Variants in SVIL observed in about 807,000 individuals in gnomAD.
SVIL encodes archvillin.
SVIL carries 101 observed loss-of-function variants against 240.4 expected under a neutral mutation model. That is an observed-to-expected ratio of 0.42 (90% confidence interval 0.36 to 0.50). The LOEUF is 0.50. Ranked by LOEUF, SVIL falls within the 20% of genes least tolerant of loss-of-function variation. SVIL has a pLI of 0.01. For missense variants in SVIL, 2,512 were observed against 2,818.7 expected (o/e 0.89, Z 2.46); for synonymous variants, 999 against 1,100.0 (o/e 0.91, Z 1.82).
At chr10:29,621,313 G>A (rs755191375) in intron 1 of SVIL, among the ~76,000 whole-genome samples, 17 of 152,232 alleles carry the variant, frequency 1.1e-4, no homozygotes, top group Non-Finnish European at 2.2e-4. Flanking sequence ...AGGCAGGAAC[G>A]CTTAATCCCA....
At chr10:29,525,968 T>C (rs72802785) in intron 13 of SVIL, among the ~76,000 whole-genome samples, 12,390 of 152,156 alleles carry the variant, frequency 0.081, 714 homozygotes, top group Non-Finnish European at 0.12. Context: ...CTGCTGTGGG[T>C]GTACCAGCTT....
At chr10:29,655,215 C>G (rs149584290) in intron 3 of SVIL, among the ~76,000 whole-genome samples, 51 of 152,284 alleles carry the variant, frequency 3.3e-4, no homozygotes, top group African/African-American at 1.1e-3. Flanking sequence ...AGGCTGTCTG[C>G]AAGCTGGGGA....
At chr10:29,536,144 A>G in intron 6 of SVIL, 75 bp from the exon 7 acceptor site, 1 of 1,405,952 alleles carries the variant, frequency 7.1e-7, no homozygotes, top group Non-Finnish European at 1.0e-6. Context: ...ACCATAACTT[A>G]AAACCTAAAG....
intron 6 of SVIL, among the ~76,000 whole-genome samples, chr10:29,547,032 AT>A (rs1474360738): frequency 6.6e-6 from 1 of 152,198 alleles, no homozygotes; most frequent in Non-Finnish European, 1.5e-5. Flanking sequence ...TATTATTTTC[AT>A]ATACAGTTAT....
At position 29,494,831 on chromosome 10, in the gene SVIL, T is replaced by C. The variant is rs6481599; in HGVS notation, c.3841+83A>G. ...TCTAATCAGTCTTGACCAAAACTTC[T>C]TTTTTTTGGCTGAGGAAGAAAAGCA... On this transcript the variant is annotated intron_variant, in intron 20 of 37. Coordinates refer to ENST00000355867, the MANE Select transcript of SVIL (RefSeq NM_021738.3). 11,371 of 1,335,266 alleles carry C rather than the reference T, an allele frequency of 8.5e-3. 767 individuals carry two copies. The African/African-American group carries it at 0.15, about 17-fold the overall frequency. The allele number at this position is 1,335,266 out of a possible 1,614,324, so 82.7% of individuals were successfully genotyped here.
At chr10:29,473,800 C>T (rs1375369425) in intron 30 of SVIL, 38 bp downstream of exon 30, 3 of 1,612,822 alleles carry the variant, frequency 1.9e-6, no homozygotes, top group Non-Finnish European at 2.5e-6. Context: ...GAGGATGCTC[C>T]TCTCAGTCCC....
chr10:29,458,698 A>C, intron 36 of SVIL, 109 bp from the exon 37 acceptor site: 1 of 1,216,940 alleles, frequency 8.2e-7, no homozygotes, highest in Non-Finnish European at 1.1e-6. Flanking sequence ...CTGCCTGAGG[A>C]TGCATAGTTC....
intron 1 of SVIL, among the ~76,000 whole-genome samples, chr10:29,611,198 T>C (rs961594460): frequency 6.6e-6 from 1 of 152,158 alleles, no homozygotes; most frequent in Non-Finnish European, 1.5e-5. Flanking sequence ...GCCTTGCCTA[T>C]ATCCCTGTGA....
At chr10:29,618,131 C>T (rs375982616) in intron 1 of SVIL, among the ~76,000 whole-genome samples, 5 of 152,152 alleles carry the variant, frequency 3.3e-5, no homozygotes, top group South Asian at 4.1e-4. Flanking sequence ...CCTGGGGAGG[C>T]GGGCTAATCC....
chr10:29,589,806 A>C (rs550350204), intron 1 of SVIL, among the ~76,000 whole-genome samples: 1 of 152,290 alleles, frequency 6.6e-6, no homozygotes, highest in Admixed American at 6.5e-5. Flanking sequence ...ATAGTAATAA[A>C]AGAATACATT....
chr10:29,726,315 C>T (rs1337020483), intron 1 of SVIL, among the ~76,000 whole-genome samples: 2 of 152,048 alleles, frequency 1.3e-5, no homozygotes, highest in South Asian at 2.1e-4. Flanking sequence ...AAAAGTAAAC[C>T]TAGGAAGCTA....
chr10:29,652,244 C>A (rs1177403276), intron 3 of SVIL, among the ~76,000 whole-genome samples: 1 of 152,178 alleles, frequency 6.6e-6, no homozygotes, highest in Non-Finnish European at 1.5e-5. Flanking sequence ...AACCATTAAT[C>A]TACTTTGTGT....
chr10:29,547,212 A>G (rs1952774839), intron 6 of SVIL, among the ~76,000 whole-genome samples: 2 of 152,184 alleles, frequency 1.3e-5, no homozygotes. Flanking sequence ...CTGTAAATCA[A>G]TCTTTACAAC....
At chr10:29,506,245 C>A (rs1949263853) in intron 17 of SVIL, among the ~76,000 whole-genome samples, 1 of 152,024 alleles carries the variant, frequency 6.6e-6, no homozygotes, top group Non-Finnish European at 1.5e-5. Context: ...CAAAGAAACA[C>A]AAGCTCATTT....
intron 6 of SVIL, among the ~76,000 whole-genome samples, 177 bp downstream of exon 6, chr10:29,550,420 C>T (rs560562551): frequency 6.8e-6 from 1 of 146,460 alleles, no homozygotes; most frequent in South Asian, 2.2e-4. Context: ...CCAGCCTGGG[C>T]AACAGAGTGG....
At chr10:29,522,742 G>C in intron 15 of SVIL, 107 bp from the exon 16 acceptor site, 1 of 1,250,770 alleles carries the variant, frequency 8.0e-7, no homozygotes, top group Non-Finnish European at 1.1e-6. Context: ...TGGGCACACG[G>C]CGGGTGACCC....
chr10:29,692,934 A>G (rs1961624367), intron 1 of SVIL, among the ~76,000 whole-genome samples: 1 of 152,208 alleles, frequency 6.6e-6, no homozygotes, highest in Admixed American at 6.5e-5. Flanking sequence ...ACGCTGACAT[A>G]GTCCTTAACC....
intron 1 of SVIL, among the ~76,000 whole-genome samples, chr10:29,713,352 T>C (rs1963421745): frequency 6.6e-6 from 1 of 151,460 alleles, no homozygotes; most frequent in African/African-American, 2.4e-5. Context: ...AACGGCTGAG[T>C]GAGGAGTTAT....
At chr10:29,559,353 A>G (rs570528881) in intron 3 of SVIL, among the ~76,000 whole-genome samples, 73 of 151,924 alleles carry the variant, frequency 4.8e-4, no homozygotes, top group African/African-American at 1.7e-3. Flanking sequence ...GTACATACAT[A>G]CACATACATA....
Sources: gnomAD v4.1 joint callset for allele counts (sites outside exome capture counted in the v4.1 genomes callset) on GRCh38, gnomAD v4.1.1 for gene constraint, MANE v1.5 for transcripts, NCBI Gene and HGNC (gene_info 2026-07-23, HGNC 2026-07-21) for gene names.